Variants in BCAS3 observed in about 807,000 individuals in gnomAD.
The protein encoded by BCAS3 is BCAS3 microtubule associated cell migration factor, also known as BCAS4/BCAS3 fusion.
Under a neutral mutation model 116.1 loss-of-function variants are expected in BCAS3, and 53 were observed. That is an observed-to-expected ratio of 0.46 (90% CI 0.37 to 0.57). The LOEUF (loss-of-function observed/expected upper bound fraction) is 0.57. BCAS3 is among the 20% of genes least tolerant of loss of function. The probability of loss-of-function intolerance (pLI) is 0.00; values close to 1 mark genes in which losing one functional copy is unlikely to be tolerated. For missense variants in BCAS3, 917 were observed against 1,165.4 expected (o/e 0.79, Z 3.10); for synonymous variants, 391 against 408.2 (o/e 0.96, Z 0.51).
Position 60,956,645 on chromosome 17 carries a change from A to G in BCAS3, c.1221+9293A>G, listed in dbSNP as rs1396870947. On this transcript the variant is annotated intron_variant, in intron 14 of 23. Transcript: ENST00000407086. This position sits in a 1 kb window ranked among gnomAD's most constrained non-coding sequence, Gnocchi z 4.2. ...ATGGAGCCTTGCATATTGTAGTGCAAATGTTTGCTAATGCCAGTGATGTTC... is the reference window on the plus strand; with the variant it reads ...ATGGAGCCTTGCATATTGTAGTGCAGATGTTTGCTAATGCCAGTGATGTTC... Among the ~76,000 whole-genome samples, 1 of 152,162 alleles carries G rather than the reference A, an allele frequency of 6.6e-6. No homozygotes were observed. The highest frequency in any genetic ancestry group is 1.5e-5 in the Non-Finnish European group (1 of 68,026).
At position 61,220,608 on chromosome 17, in the gene BCAS3, C is replaced by G. The variant is rs2082054867; in HGVS notation, c.2425+136044C>G. ...AGTTCAGTGAGGTAATACAATGACA[C>G]TACATTGATTTCCCCCCTGTGGCGC... On this transcript the variant is annotated intron_variant, in intron 22 of 23. Coordinates refer to ENST00000407086, the MANE Select transcript of BCAS3 (RefSeq NM_017679.5). This position sits in a 1 kb window ranked among gnomAD's most constrained non-coding sequence, Gnocchi z 4.5. Among the ~76,000 whole-genome samples the G allele has an allele frequency of 6.6e-6, 1 of 152,182 alleles. No individual in the cohort carries two copies. Among genetic ancestry groups the G allele is most frequent in the African/African-American group, 2.4e-5 (1 of 41,436 alleles).
chr17:61,027,127 A>C lies in BCAS3; in HGVS notation c.1638-7539A>C, dbSNP rs568646747. ...TTCTTTAAAAAGTAAAAAACAAAAA[A>C]AAAAAAACCACAGATGAATTTTTTT... On this transcript the variant is annotated intron_variant, in intron 16 of 23. Coordinates refer to ENST00000407086, the MANE Select transcript of BCAS3 (RefSeq NM_017679.5). 2.6e-4 allele frequency among the ~76,000 whole-genome samples: 40 copies of C among 151,920 alleles called. No individual in the cohort carries two copies. The South Asian group carries it at 5.6e-3, about 21-fold the overall frequency.
rs1181916099 is a variant in BCAS3 at position 61,228,818 on chromosome 17, C to T, written c.2426-139509C>T. 6.6e-6 allele frequency among the ~76,000 whole-genome samples: 1 copy of T among 152,126 alleles called. No homozygotes were observed. Among genetic ancestry groups the T allele is most frequent in the Admixed American group, 6.5e-5 (1 of 15,276 alleles). ...GGGCCAATTAATACCCCTACAATGG[C>T]CTCTAAGTGTTCAAGTGTAAAAAAG... On this transcript the variant is annotated intron_variant, in intron 22 of 23. Coordinates refer to ENST00000407086, the MANE Select transcript of BCAS3 (RefSeq NM_017679.5). The surrounding 1 kb of genome is among the most constrained non-coding windows in gnomAD (Gnocchi z 5.0).
At position 61,315,440 on chromosome 17, in the gene BCAS3, A is replaced by T. The variant is rs1386417243; in HGVS notation, c.2426-52887A>T. On this transcript the variant is annotated intron_variant, in intron 22 of 23. Coordinates refer to ENST00000407086, the MANE Select transcript of BCAS3 (RefSeq NM_017679.5). The surrounding 1 kb of genome is among the most constrained non-coding windows in gnomAD (Gnocchi z 5.3). ...AGCCAACGCACTCCTGTTCTGAGAC[A>T]CGGGAGGGCATGCAGAGCAGTCTCG... is the stretch of plus-strand genomic sequence containing the variant. 6.6e-6 allele frequency among the ~76,000 whole-genome samples: 1 copy of T among 152,198 alleles called. No individual in the cohort carries two copies. The highest frequency in any genetic ancestry group is 1.5e-5 in the Non-Finnish European group (1 of 68,036).
chr17:61,244,849 T>G lies in BCAS3; in HGVS notation c.2426-123478T>G, dbSNP rs1326538522. The stretch of plus-strand genomic sequence containing the variant: ...CTGTACCCCAGCCTGAGCAACAGAG[T>G]GAGACTCCGTCTCAAAAAAAATAAA... On this transcript the variant is annotated intron_variant, in intron 22 of 23. Coordinates refer to ENST00000407086, the MANE Select transcript of BCAS3 (RefSeq NM_017679.5). The surrounding 1 kb of genome is among the most constrained non-coding windows in gnomAD (Gnocchi z 4.9). Among the ~76,000 whole-genome samples, 1 of 151,954 alleles carries G rather than the reference T, an allele frequency of 6.6e-6. No individual in the cohort carries two copies. Among genetic ancestry groups the G allele is most frequent in the East Asian group, 1.9e-4 (1 of 5,156 alleles).
chr17:60,959,126 A>C (rs2061288787), intron 14 of BCAS3, among the ~76,000 whole-genome samples: 1 of 151,828 alleles, frequency 6.6e-6, no homozygotes, highest in Non-Finnish European at 1.5e-5. Context: ...GGAACATAGA[A>C]AGACTCTGTC....
At chr17:61,163,533 C>G (rs1278016296) in intron 22 of BCAS3, among the ~76,000 whole-genome samples, 1 of 151,982 alleles carries the variant, frequency 6.6e-6, no homozygotes, top group Non-Finnish European at 1.5e-5. Context: ...ACCTGAATGA[C>G]CAAGATACTT....
At chr17:61,059,324 C>G (rs550096484) in intron 19 of BCAS3, among the ~76,000 whole-genome samples, 1 of 151,916 alleles carries the variant, frequency 6.6e-6, no homozygotes, top group Non-Finnish European at 1.5e-5. Context: ...CCTCATGATC[C>G]GCCTGCCTTG....
chr17:61,284,242 A>C (rs1376736494), intron 22 of BCAS3, among the ~76,000 whole-genome samples: 1 of 152,192 alleles, frequency 6.6e-6, no homozygotes, highest in Non-Finnish European at 1.5e-5. Context: ...CCACACCAGC[A>C]GTCGCAAACC....
At chr17:61,093,592 C>CA (rs199625309) in intron 22 of BCAS3, among the ~76,000 whole-genome samples, 2,646 of 151,632 alleles carry the variant, frequency 0.017, 79 homozygotes, top group African/African-American at 0.06. Context: ...GTTTAACAAA[C>CA]AAAAAAAAAT....
Position 61,106,283 on chromosome 17 carries a change from T to C in BCAS3, c.2425+21719T>C, listed in dbSNP as rs529730035. Among the ~76,000 whole-genome samples the C allele has an allele frequency of 1.3e-5, 2 of 152,242 alleles. No individual in the cohort carries two copies. The highest frequency in any genetic ancestry group is 2.4e-5 in the African/African-American group (1 of 41,474). ...CTTTCAGTCAACAGTGGACCTTATA[T>C]GCTCGTGCAACAGTGTTCCAGTAAA... On this transcript the variant is annotated intron_variant, in intron 22 of 23. Coordinates refer to ENST00000407086, the MANE Select transcript of BCAS3 (RefSeq NM_017679.5). This position sits in a 1 kb window ranked among gnomAD's most constrained non-coding sequence, Gnocchi z 4.2.
chr17:60,920,870 A>AAACAACAACAAC (rs58062382), intron 12 of BCAS3, among the ~76,000 whole-genome samples: 23 of 146,538 alleles, frequency 1.6e-4, no homozygotes, highest in Admixed American at 5.5e-4. Flanking sequence ...ACTCCATCGC[A>AAACAACAACAAC]AACAACAACA....
intron 22 of BCAS3, among the ~76,000 whole-genome samples, chr17:61,253,676 C>G (rs2048542236): frequency 6.7e-6 from 1 of 150,284 alleles, no homozygotes; most frequent in African/African-American, 2.5e-5. Flanking sequence ...TGCCTCTGGG[C>G]CAGTGCTTCA....
chr17:61,374,542 TC>T (rs1467165571), intron 23 of BCAS3, among the ~76,000 whole-genome samples: 1 of 152,210 alleles, frequency 6.6e-6, no homozygotes, highest in Non-Finnish European at 1.5e-5. Flanking sequence ...CCGTGACTGT[TC>T]CTTCCTGCGG....
In BCAS3 at chr17:60,874,566, G is replaced by A; in HGVS notation, c.585-96G>A. On this transcript the variant is annotated intron_variant, in intron 8 of 23. Transcript: ENST00000407086. Reference sequence around the variant, plus strand: ...TTTAAAATTGTATTAGTAGGCACTTGTTTTCATCTAGATGATATAATGCAT... The same window carrying A: ...TTTAAAATTGTATTAGTAGGCACTTATTTTCATCTAGATGATATAATGCAT... 10 of 789,114 alleles carry A rather than the reference G, an allele frequency of 1.3e-5. No individual in the cohort carries two copies. The South Asian group carries it at 1.6e-4, about 13-fold the overall frequency. The allele number at this position is 789,114 out of a possible 1,614,324, so 48.9% of individuals were successfully genotyped here.
In BCAS3 at chr17:61,347,636, A is replaced by G. The variant is rs183367365; in HGVS notation, c.2426-20691A>G. ...GTCTGTCTCCTTTACCAAATTTCCC[A>G]TCATCCAGCATAGCGACTGGTGCAC... On this transcript the variant is annotated intron_variant, in intron 22 of 23. Transcript: ENST00000407086. This position sits in a 1 kb window ranked among gnomAD's most constrained non-coding sequence, Gnocchi z 4.3. Among the ~76,000 whole-genome samples the G allele has an allele frequency of 1.5e-3, 221 of 152,312 alleles. 1 individual carries two copies. The highest frequency in any genetic ancestry group is 5.1e-3 in the African/African-American group (211 of 41,558).
chr17:60,766,107 T>C (rs2044067607), intron 6 of BCAS3, among the ~76,000 whole-genome samples: 1 of 152,196 alleles, frequency 6.6e-6, no homozygotes, highest in Non-Finnish European at 1.5e-5. Flanking sequence ...TCAAGGTTTT[T>C]AGCTTCCTTG....
At chr17:61,153,062 C>A (rs966501833) in intron 22 of BCAS3, among the ~76,000 whole-genome samples, 1 of 152,192 alleles carries the variant, frequency 6.6e-6, no homozygotes, top group Admixed American at 6.5e-5. Context: ...CCCTGTCTGT[C>A]AGTAGAAGCT....
intron 3 of BCAS3, among the ~76,000 whole-genome samples, chr17:60,689,329 C>T (rs1281637957): frequency 6.6e-6 from 1 of 152,148 alleles, no homozygotes; most frequent in Non-Finnish European, 1.5e-5. Flanking sequence ...ATGTGCCACA[C>T]CTCACCCAGC....
Sources: gnomAD v4.1 joint callset for allele counts (sites outside exome capture counted in the v4.1 genomes callset) on GRCh38, gnomAD v4.1.1 for gene constraint, Gnocchi (gnomAD v3.1) non-coding constraint, MANE v1.5 for transcripts, NCBI Gene and HGNC (gene_info 2026-07-23, HGNC 2026-07-21) for gene names.